Variants in MAF observed in about 807,000 individuals in gnomAD.
MAF encodes MAF bZIP transcription factor.
Under a neutral mutation model 22.0 loss-of-function variants are expected in MAF, and 10 were observed. The ratio of observed to expected loss-of-function variants is 0.45; its 90% CI spans 0.28 to 0.77. The LOEUF (loss-of-function observed/expected upper bound fraction) is 0.77, where lower values mean the gene tolerates loss of function less well. Ranked by LOEUF, MAF falls within the 30% of genes least tolerant of loss-of-function variation. The pLI is 0.12. For missense variants in MAF, 544 were observed against 548.4 expected (o/e 0.99, Z 0.08); for synonymous variants, 337 against 255.8 (o/e 1.32, Z -3.03).
At chr16:79,450,440 A>G in the MAF span, among the ~76,000 whole-genome samples, 4 of 152,238 alleles carry the variant, frequency 2.6e-5, no homozygotes, top group Admixed American at 2.6e-4. Flanking sequence ...CATTAAGCTG[A>G]AAATACTCCT....
chr16:79,576,231 TAAAAAAA>T, the MAF span, among the ~76,000 whole-genome samples: 1 of 43,012 alleles, frequency 2.3e-5, no homozygotes, highest in African/African-American at 7.7e-5. Context: ...CCTGTGGTAC[TAAAAAAA>T]AAAAAAAAAA....
At chr16:79,562,657 G>C in the MAF span, among the ~76,000 whole-genome samples, 1 of 152,130 alleles carries the variant, frequency 6.6e-6, no homozygotes, top group South Asian at 2.1e-4. Context: ...CCAGGCTGAA[G>C]TGCCAAGATC....
chr16:79,233,889 G>A, the MAF span, among the ~76,000 whole-genome samples: 1 of 151,696 alleles, frequency 6.6e-6, no homozygotes, highest in Non-Finnish European at 1.5e-5. Flanking sequence ...CTACTCAGGA[G>A]GCTGAGGCAG....
the MAF span, among the ~76,000 whole-genome samples, chr16:79,232,499 T>A: frequency 5.9e-5 from 9 of 152,112 alleles, no homozygotes; most frequent in South Asian, 2.1e-4. Context: ...TGATACAACA[T>A]AATATCCCAG....
At position 79,594,451 on chromosome 16, in the gene MAF, A is replaced by G; in HGVS notation, c.*9T>C. Reference sequence around the variant, plus strand: ...TGATTTTTTTTAATGTACAGCTCTCACACAAATTTCATTTTGTGAACACAC... The same window carrying G: ...TGATTTTTTTTAATGTACAGCTCTCGCACAAATTTCATTTTGTGAACACAC... On this transcript the variant is annotated 3_prime_UTR_variant, in exon 2 of 2. Transcript: ENST00000326043. 6.4e-7 allele frequency: 1 copy of G among 1,553,656 alleles called. No individual in the cohort carries two copies. Among genetic ancestry groups the G allele is most frequent in the Non-Finnish European group, 8.7e-7 (1 of 1,147,138 alleles).
the MAF span, among the ~76,000 whole-genome samples, chr16:79,540,703 A>G: frequency 6.6e-6 from 1 of 152,198 alleles, no homozygotes; most frequent in Middle Eastern, 3.2e-3. Flanking sequence ...GACAATGTAG[A>G]TCGAATTTTG....
At chr16:79,443,519 G>T in the MAF span, among the ~76,000 whole-genome samples, 1 of 152,216 alleles carries the variant, frequency 6.6e-6, no homozygotes, top group East Asian at 1.9e-4. Context: ...TTGCTGGAGG[G>T]AGAATATGCC....
chr16:79,584,855 C>T (rs1158353933), downstream of MAF, among the ~76,000 whole-genome samples: 1 of 152,140 alleles, frequency 6.6e-6, no homozygotes, highest in South Asian at 2.1e-4. Flanking sequence ...CTCATGGTAG[C>T]ACCGTGTAGA....
the MAF span, among the ~76,000 whole-genome samples, chr16:79,248,064 A>T: frequency 2.0e-5 from 3 of 152,196 alleles, no homozygotes; most frequent in Non-Finnish European, 2.9e-5. Flanking sequence ...GTCCTTAATA[A>T]ACCTCAGAGA....
chr16:79,238,123 T>G, the MAF span, among the ~76,000 whole-genome samples: 1 of 152,142 alleles, frequency 6.6e-6, no homozygotes, highest in Non-Finnish European at 1.5e-5. Flanking sequence ...ATCTTGACTC[T>G]GACCCTTTCT....
At chr16:79,377,110 C>A in the MAF span, among the ~76,000 whole-genome samples, 1 of 152,164 alleles carries the variant, frequency 6.6e-6, no homozygotes, top group African/African-American at 2.4e-5. Flanking sequence ...CTGACTTCCA[C>A]AATGGTTGAA....
chr16:79,581,199 C>T (rs542267126), downstream of MAF, among the ~76,000 whole-genome samples: 42 of 152,234 alleles, frequency 2.8e-4, no homozygotes, highest in African/African-American at 1.0e-3. Flanking sequence ...GAAAGTTAAA[C>T]AGAAAATTCC....
the MAF span, among the ~76,000 whole-genome samples, chr16:79,328,343 A>G: frequency 1.3e-5 from 2 of 152,114 alleles, no homozygotes; most frequent in Admixed American, 6.6e-5. Context: ...AAGGAAATGC[A>G]ACTTGAGGCA....
the MAF span, among the ~76,000 whole-genome samples, chr16:79,264,145 A>C: frequency 8.5e-5 from 13 of 152,194 alleles, no homozygotes; most frequent in African/African-American, 3.1e-4. Context: ...AGCTTTGAGA[A>C]GTGAGATCAT....
the MAF span, among the ~76,000 whole-genome samples, chr16:79,445,627 G>A: frequency 6.6e-6 from 1 of 152,326 alleles, no homozygotes; most frequent in Admixed American, 6.5e-5. Context: ...GGATTTCAAA[G>A]CTGAATATCT....
the MAF span, among the ~76,000 whole-genome samples, chr16:79,430,277 G>A: frequency 1.3e-5 from 2 of 152,248 alleles, no homozygotes; most frequent in African/African-American, 2.4e-5. Context: ...CGTAGAGCCT[G>A]CTCCGTTTGG....
the MAF span, among the ~76,000 whole-genome samples, chr16:79,385,820 G>T: frequency 6.6e-6 from 1 of 152,190 alleles, no homozygotes; most frequent in African/African-American, 2.4e-5. Context: ...AGAATTACTT[G>T]AACCTGTGTC....
the MAF span, among the ~76,000 whole-genome samples, chr16:79,390,832 G>A: frequency 1.3e-5 from 2 of 152,210 alleles, no homozygotes; most frequent in African/African-American, 2.4e-5. Context: ...GCATGCCGCC[G>A]TGGGGTCTTT....
the MAF span, among the ~76,000 whole-genome samples, chr16:79,342,777 TA>T: frequency 1.3e-3 from 203 of 152,226 alleles, 5 homozygotes; most frequent in East Asian, 0.027. Context: ...ACCCAAAAAA[TA>T]GATGTAAAAA....
Sources: gnomAD v4.1 joint callset for allele counts (sites outside exome capture counted in the v4.1 genomes callset) on GRCh38, gnomAD v4.1.1 for gene constraint, MANE v1.5 for transcripts, NCBI Gene and HGNC (gene_info 2026-07-23, HGNC 2026-07-21) for gene names.